GALNT18: variants seen among roughly 807,000 people sequenced by gnomAD.
The protein encoded by GALNT18 is polypeptide N-acetylgalactosaminyltransferase 18.
Under a neutral mutation model 69.5 loss-of-function variants are expected in GALNT18, and 44 were observed. The observed-to-expected ratio is 0.63, with a 90% CI of 0.50 to 0.81. The LOEUF is 0.81. Among genes scored for constraint, GALNT18 ranks in the 40% least tolerant of loss-of-function variants. The pLI is 0.00. For missense variants in GALNT18, 715 were observed against 810.0 expected, an observed-to-expected ratio of 0.88 and a Z score of 1.42; for synonymous variants, 364 against 318.2, an observed-to-expected ratio of 1.14 and a Z score of -1.53.
At chr11:11,568,920 A>G (rs1858717219) in intron 1 of GALNT18, among the ~76,000 whole-genome samples, 1 of 152,210 alleles carries the variant, frequency 6.6e-6, no homozygotes, top group Admixed American at 6.5e-5. Flanking sequence ...GATCTACTGT[A>G]CAAATTCGGT....
chr11:11,599,887 T>G (rs1445672331), intron 1 of GALNT18, among the ~76,000 whole-genome samples: 1 of 152,040 alleles, frequency 6.6e-6, no homozygotes, highest in Non-Finnish European at 1.5e-5. Context: ...CCTCACATAC[T>G]TATCTTTTTT....
In GALNT18 at chr11:11,436,002, C is replaced by T. The variant is rs2133800615; in HGVS notation, c.429-3215G>A. 6.6e-6 allele frequency among the ~76,000 whole-genome samples: 1 copy of T among 152,340 alleles called. No individual in the cohort carries two copies. Among genetic ancestry groups the T allele is most frequent in the Admixed American group, 6.5e-5 (1 of 15,304 alleles). ...GGCGACAGCCATGCTGCCGCTGTGG[C>T]CTCTCTCTCGGCATCAGGAGACACC... On this transcript the variant is annotated intron_variant, in intron 2 of 10. Coordinates refer to ENST00000227756, the MANE Select transcript of GALNT18 (RefSeq NM_198516.3). The surrounding 1 kb of genome is among the most constrained non-coding windows in gnomAD (Gnocchi z 4.5).
In GALNT18 at chr11:11,430,555, T is replaced by A. The variant is rs1753502696; in HGVS notation, c.595+2066A>T. On this transcript the variant is annotated intron_variant, in intron 3 of 10. Transcript: ENST00000227756. The surrounding 1 kb of genome is among the most constrained non-coding windows in gnomAD (Gnocchi z 4.9). ...AGCTTTGGTTGTGAAAGGTCTAGGG[T>A]GCTGCTCGTCTGCATCCCTGATGAC... 6.6e-6 allele frequency among the ~76,000 whole-genome samples: 1 copy of A among 152,230 alleles called. No homozygotes were observed. The highest frequency in any genetic ancestry group is 2.4e-5 in the African/African-American group (1 of 41,470).
intron 10 of GALNT18, among the ~76,000 whole-genome samples, chr11:11,275,839 T>C (rs1848932551): frequency 6.6e-6 from 1 of 152,326 alleles, no homozygotes; most frequent in Admixed American, 6.5e-5. Context: ...GATCAGATTG[T>C]TGTAGATGTG....
Position 11,436,469 on chromosome 11 carries a change from G to C in GALNT18, c.429-3682C>G, listed in dbSNP as rs1855405044. Among the ~76,000 whole-genome samples the C allele has an allele frequency of 6.6e-6, 1 of 152,102 alleles. No homozygotes were observed. The highest frequency in any genetic ancestry group is 6.5e-5 in the Admixed American group (1 of 15,274). ...GAAAGTCCTAGGCACACCAGGTCAGGCGGTCCCCCATGCCTATACCACCAG... is the reference window on the plus strand; with the variant it reads ...GAAAGTCCTAGGCACACCAGGTCAGCCGGTCCCCCATGCCTATACCACCAG... On this transcript the variant is annotated intron_variant, in intron 2 of 10. Transcript: ENST00000227756. The surrounding 1 kb of genome is among the most constrained non-coding windows in gnomAD (Gnocchi z 4.5).
intron 1 of GALNT18, among the ~76,000 whole-genome samples, chr11:11,491,737 C>T (rs1014783172): frequency 1.4e-4 from 21 of 152,318 alleles, no homozygotes; most frequent in African/African-American, 5.1e-4. Flanking sequence ...AGGCCAGCAG[C>T]GAAGTGCTGG....
chr11:11,539,455 C>T (rs1857860598), intron 1 of GALNT18, among the ~76,000 whole-genome samples: 1 of 152,226 alleles, frequency 6.6e-6, no homozygotes, highest in African/African-American at 2.4e-5. Context: ...AGAGAGCTGT[C>T]CTGAACACCT....
intron 10 of GALNT18, among the ~76,000 whole-genome samples, chr11:11,291,691 T>C (rs906824142): frequency 2.6e-5 from 4 of 151,938 alleles, no homozygotes; most frequent in African/African-American, 9.7e-5. Flanking sequence ...ATGCTCCCAT[T>C]TGGCTCCTGG....
intron 3 of GALNT18, among the ~76,000 whole-genome samples, chr11:11,410,411 G>T (rs1414302053): frequency 6.6e-6 from 1 of 151,906 alleles, no homozygotes; most frequent in Non-Finnish European, 1.5e-5. Flanking sequence ...GTGGAATATT[G>T]GGGGGAAGGG....
chr11:11,363,726 T>C (rs1850693477), intron 6 of GALNT18, among the ~76,000 whole-genome samples: 1 of 152,194 alleles, frequency 6.6e-6, no homozygotes. Flanking sequence ...CCTAGAAACA[T>C]GGACCAACCC....
chr11:11,531,140 A>T (rs1157670600), intron 1 of GALNT18, among the ~76,000 whole-genome samples: 1 of 152,198 alleles, frequency 6.6e-6, no homozygotes, highest in East Asian at 1.9e-4. Context: ...CTACACGAGG[A>T]TTTATTCTGA....
At position 11,590,679 on chromosome 11, in the gene GALNT18, G is replaced by A. The variant is rs1004701086; in HGVS notation, c.235+30680C>T. 2.0e-5 allele frequency among the ~76,000 whole-genome samples: 3 copies of A among 152,296 alleles called. No homozygotes were observed. The highest frequency in any genetic ancestry group is 1.9e-4 in the East Asian group (1 of 5,186). The stretch of plus-strand genomic sequence containing the variant: ...CTTGTACAGTCACCCACCGCATGAC[G>A]TTCGCTCAATGACAGAACACATATA... On this transcript the variant is annotated intron_variant, in intron 1 of 10. Transcript: ENST00000227756. This position sits in a 1 kb window ranked among gnomAD's most constrained non-coding sequence, Gnocchi z 4.4.
At chr11:11,336,646 G>T (rs182196999) in intron 7 of GALNT18, among the ~76,000 whole-genome samples, 232 of 152,288 alleles carry the variant, frequency 1.5e-3, no homozygotes, top group African/African-American at 5.2e-3. Flanking sequence ...AAAGGGATTG[G>T]GGCATAGCTA....
intron 1 of GALNT18, among the ~76,000 whole-genome samples, chr11:11,585,819 T>G (rs907305186): frequency 6.0e-5 from 9 of 149,750 alleles, no homozygotes; most frequent in Admixed American, 6.0e-4. Flanking sequence ...TTTTTTTTTT[T>G]TTTGGCTGTT....
intron 10 of GALNT18, among the ~76,000 whole-genome samples, chr11:11,284,518 G>A (rs533215790): frequency 4.6e-5 from 7 of 152,268 alleles, no homozygotes; most frequent in African/African-American, 7.2e-5. Context: ...CCAGCTGGTC[G>A]CTTGCATCCT....
rs1302154753 is a variant in GALNT18, at chr11:11,459,909, G to C, written c.236-10973C>G. Among the ~76,000 whole-genome samples, 1 of 152,160 alleles carries C rather than the reference G, an allele frequency of 6.6e-6. No homozygotes were observed. Among genetic ancestry groups the C allele is most frequent in the Non-Finnish European group, 1.5e-5 (1 of 68,042 alleles). ...GTTGGTAGGGCCATTCTCCTTTCTG[G>C]AAGCTCTGGAGGAGAGATTCTGTTT... On this transcript the variant is annotated intron_variant, in intron 1 of 10. Coordinates refer to ENST00000227756, the MANE Select transcript of GALNT18 (RefSeq NM_198516.3). The surrounding 1 kb of genome is among the most constrained non-coding windows in gnomAD (Gnocchi z 5.0).
chr11:11,593,956 G>C (rs1859425313), intron 1 of GALNT18, among the ~76,000 whole-genome samples: 1 of 152,160 alleles, frequency 6.6e-6, no homozygotes, highest in Non-Finnish European at 1.5e-5. Flanking sequence ...TGGATTCATA[G>C]AGATTTAGAT....
At chr11:11,566,254 C>T (rs1323301580) in intron 1 of GALNT18, among the ~76,000 whole-genome samples, 1 of 152,160 alleles carries the variant, frequency 6.6e-6, no homozygotes, top group East Asian at 1.9e-4. Context: ...CCCAAATATT[C>T]AACTCTGCAG....
chr11:11,437,340 A>T (rs1855425822), intron 2 of GALNT18, among the ~76,000 whole-genome samples: 1 of 152,134 alleles, frequency 6.6e-6, no homozygotes, highest in Admixed American at 6.5e-5. Flanking sequence ...TAAAAAAAAC[A>T]AGGCATTTCT....
Sources: gnomAD v4.1 joint callset for allele counts (sites outside exome capture counted in the v4.1 genomes callset) on GRCh38, gnomAD v4.1.1 for gene constraint, Gnocchi (gnomAD v3.1) non-coding constraint, MANE v1.5 for transcripts, NCBI Gene and HGNC (gene_info 2026-07-23, HGNC 2026-07-21) for gene names.